Variants in RBM11 observed in about 807,000 individuals in gnomAD.
RBM11 encodes splicing regulator RBM11.
A neutral mutation model predicts 21.4 loss-of-function variants in RBM11; 18 were observed. That is an observed-to-expected ratio of 0.84 (90% CI 0.58 to 1.25). The LOEUF (loss-of-function observed/expected upper bound fraction) is 1.25. Ranked by LOEUF, RBM11 falls within the 50% of genes most tolerant of loss-of-function variation. RBM11 has a pLI of 0.00. For missense variants in RBM11, 294 were observed against 331.9 expected (o/e 0.89, Z 0.89); for synonymous variants, 120 against 116.3 (o/e 1.03, Z -0.20).
chr21:14,224,457 G>A lies in RBM11; in HGVS notation c.352G>A (p.Gly118Ser), dbSNP rs958953811. 33 of 1,559,842 alleles carry A rather than the reference G, an allele frequency of 2.1e-5. No homozygotes were observed. Among genetic ancestry groups the A allele is most frequent in the Admixed American group, 5.7e-5 (3 of 52,196 alleles). Residue 118 changes from glycine (G) to serine (S), a missense_variant, in exon 4 of 5, where the codon GGC (glycine) becomes AGC (serine). Coordinates refer to ENST00000400577, the MANE Select transcript of RBM11 (RefSeq NM_144770.5). ...TCAAAGGAATGAAGAAATGTTGGTG[G>A]GCAGATCTTCCTTTCCCATGCAGTA... ...HNYRNEEMLV[G>S]RSSFPMQYFP...
At position 14,227,324 on chromosome 21, in the gene RBM11, G is replaced by A. The variant is rs1313678779; in HGVS notation, c.*31G>A. On this transcript the variant is annotated 3_prime_UTR_variant, in exon 5 of 5. Coordinates refer to ENST00000400577, the MANE Select transcript of RBM11 (RefSeq NM_144770.5). ...CCTACAAATGAAACTTACCTACACT[G>A]ATCTTAGTTCTCTTATGAAAAAAAT... is the stretch of plus-strand genomic sequence containing the variant. 2 of 1,549,144 alleles carry A rather than the reference G, an allele frequency of 1.3e-6. No individual in the cohort carries two copies. The highest frequency in any genetic ancestry group is 1.8e-4 in the Middle Eastern group (1 of 5,714).
chr21:14,226,331 C>A (rs1437289063), intron 4 of RBM11, among the ~76,000 whole-genome samples: 1 of 151,970 alleles, frequency 6.6e-6, no homozygotes, highest in Non-Finnish European at 1.5e-5. Flanking sequence ...TTTAAAACTA[C>A]ATGTGGGCTG....
At position 14,219,650 on chromosome 21, in the gene RBM11, T is replaced by TA. The variant is rs1978491083; in HGVS notation, c.184_185insA (p.Ser62TyrfsTer20). 3.7e-6 allele frequency: 6 copies of TA among 1,608,672 alleles called. No homozygotes were observed. In the East Asian group the frequency reaches 1.3e-4, roughly 36 times the overall value. On this transcript the variant is annotated frameshift_variant, in exon 2 of 5. Coordinates refer to ENST00000400577, the MANE Select transcript of RBM11 (RefSeq NM_144770.5). LOFTEE classifies it high-confidence loss of function. ...ATTTGTCTGCTTTAAACACCCAGAA[T>TA]CGGTGTCTTATGCCATAGCTTTGCT... is the stretch of plus-strand genomic sequence containing the variant.
At chr21:14,219,846 C>G (rs772077259) in intron 2 of RBM11, 121 bp downstream of exon 2, 2 of 722,920 alleles carry the variant, frequency 2.8e-6, no homozygotes, top group Non-Finnish European at 4.0e-6. Context: ...CTTCTACCTT[C>G]TGGTCATTGT....
chr21:14,225,438 T>C (rs909147027), intron 4 of RBM11, among the ~76,000 whole-genome samples: 1 of 152,188 alleles, frequency 6.6e-6, no homozygotes, highest in Non-Finnish European at 1.5e-5. Flanking sequence ...CATTTTTTTT[T>C]AATTCCTCAT....
chr21:14,226,248 G>A (rs1037775855), intron 4 of RBM11, among the ~76,000 whole-genome samples: 5 of 151,898 alleles, frequency 3.3e-5, no homozygotes, highest in African/African-American at 1.2e-4. Flanking sequence ...ATTTTAAATG[G>A]ATATATTGGG....
rs118184625 is a variant in RBM11, at chr21:14,221,898, C to T, written c.332+729C>T. ...TGAATTCTGGTTACACTAATAAACA[C>T]GTGCCCTGTTTCTCTCTGCTGTATC... On this transcript the variant is annotated intron_variant, in intron 3 of 4. Transcript: ENST00000400577. 2.4e-3 allele frequency among the ~76,000 whole-genome samples: 359 copies of T among 152,318 alleles called. 1 individual carries two copies. The highest frequency in any genetic ancestry group is 3.2e-3 in the Non-Finnish European group (221 of 68,026).
At chr21:14,225,088 A>T (rs1219368114) in intron 4 of RBM11, among the ~76,000 whole-genome samples, 1 of 152,156 alleles carries the variant, frequency 6.6e-6, no homozygotes, top group Non-Finnish European at 1.5e-5. Flanking sequence ...CAGCCTGGCC[A>T]ATAGAGCAAG....
chr21:14,219,755 G>C (rs1465518615), intron 2 of RBM11, 30 bp downstream of exon 2: 2 of 1,530,376 alleles, frequency 1.3e-6, no homozygotes, highest in African/African-American at 2.7e-5. Context: ...AATCTTCAAA[G>C]TGTTTTGTGG....
At chr21:14,224,750 G>A (rs565813532) in intron 4 of RBM11, among the ~76,000 whole-genome samples, 20 of 152,318 alleles carry the variant, frequency 1.3e-4, no homozygotes, top group Admixed American at 1.1e-3. Flanking sequence ...ACAGAAAAGG[G>A]ATGGACGGCA....
At chr21:14,223,191 T>C (rs542919097) in intron 3 of RBM11, among the ~76,000 whole-genome samples, 2 of 152,370 alleles carry the variant, frequency 1.3e-5, no homozygotes, top group South Asian at 4.1e-4. Context: ...TGACATTTCA[T>C]TGATAATACT....
chr21:14,224,566 T>C (rs1417012199), intron 4 of RBM11, 29 bp downstream of exon 4: 8 of 1,526,124 alleles, frequency 5.2e-6, no homozygotes, highest in Admixed American at 2.2e-5. Flanking sequence ...TTATTTAGTA[T>C]ATAATATGAT....
chr21:14,225,294 A>T (rs2123409503), intron 4 of RBM11, among the ~76,000 whole-genome samples: 2 of 152,346 alleles, frequency 1.3e-5, no homozygotes, highest in Middle Eastern at 6.8e-3. Flanking sequence ...CTTCATGCAC[A>T]CATCACAGGG....
At chr21:14,226,485 G>A (rs1979091090) in intron 4 of RBM11, among the ~76,000 whole-genome samples, 1 of 152,002 alleles carries the variant, frequency 6.6e-6, no homozygotes, top group African/African-American at 2.4e-5. Flanking sequence ...TGGGTGTGGT[G>A]GCGTGTGCCT....
chr21:14,223,325 A>G (rs1978830489), intron 3 of RBM11, among the ~76,000 whole-genome samples: 1 of 152,218 alleles, frequency 6.6e-6, no homozygotes, highest in South Asian at 2.1e-4. Context: ...TCCCTTGGAA[A>G]TGGATTTTTA....
In RBM11 at chr21:14,219,625, A is replaced by G. The variant is rs567560040; in HGVS notation, c.159A>G (p.Gly53=). The G allele has an allele frequency of 2.6e-4, 419 of 1,602,574 alleles. 6 individuals carry two copies. The South Asian group carries it at 4.5e-3, about 17-fold the overall frequency. ...KDREGKPKSF[G]FVCFKHPESV... ...GAGAAGGAAAGCCAAAGTCTTTTGG[A>G]TTTGTCTGCTTTAAACACCCAGAAT... Residue 53 remains glycine (G), a synonymous_variant, in exon 2 of 5, where the codon GGA becomes GGG. Transcript: ENST00000400577.
chr21:14,223,057 G>T (rs1337820167), intron 3 of RBM11, among the ~76,000 whole-genome samples: 1 of 152,106 alleles, frequency 6.6e-6, no homozygotes, highest in East Asian at 1.9e-4. Flanking sequence ...GAAGAGAAAA[G>T]ACTAGATGGG....
chr21:14,216,324 C>A, intron 1 of RBM11, 42 bp downstream of exon 1: 2 of 1,569,250 alleles, frequency 1.3e-6, no homozygotes, highest in Non-Finnish European at 1.7e-6. Context: ...CGGAGCACGT[C>A]GGGCCGGAAA....
In RBM11 at chr21:14,227,299, C is replaced by A; in HGVS notation, c.*6C>A. 1 of 1,596,004 alleles carries A rather than the reference C, an allele frequency of 6.3e-7. No homozygotes were observed. The highest frequency in any genetic ancestry group is 8.5e-7 in the Non-Finnish European group (1 of 1,172,678). On this transcript the variant is annotated 3_prime_UTR_variant, in exon 5 of 5. Transcript: ENST00000400577. ...AGAAGAAGAAAAGATACTAGTATTA[C>A]CTACAAATGAAACTTACCTACACTG...
Sources: allele counts gnomAD v4.1 joint callset (sites outside exome capture counted in the v4.1 genomes callset), GRCh38; gene constraint gnomAD v4.1.1; transcripts MANE v1.5; gene names NCBI Gene and HGNC (gene_info 2026-07-23, HGNC 2026-07-21).